The following IMPA2 variants were observed in gnomAD, a reference collection of about 807,000 sequenced individuals.
The protein encoded by IMPA2 is IMP 2.
In IMPA2, 32 loss-of-function variants were observed where a neutral mutation model predicts 35.1. The observed-to-expected ratio is 0.91, with a 90% CI of 0.69 to 1.23. The LOEUF is 1.23. Ranked by LOEUF, IMPA2 falls within the 50% of genes most tolerant of loss-of-function variation. The probability of loss-of-function intolerance (pLI) is 0.00; values close to 1 mark genes in which losing one functional copy is unlikely to be tolerated. For missense variants in IMPA2, 334 were observed against 387.6 expected, an observed-to-expected ratio of 0.86 and a Z score of 1.16; for synonymous variants, 135 against 160.6, an observed-to-expected ratio of 0.84 and a Z score of 1.20.
intron 1 of IMPA2, among the ~76,000 whole-genome samples, chr18:11,989,465 A>G (rs1001168411): frequency 6.6e-6 from 1 of 152,218 alleles, no homozygotes; most frequent in Non-Finnish European, 1.5e-5. Flanking sequence ...GCAGAGACAG[A>G]ATTCCTGTGA....
At chr18:12,004,122 C>T (rs1907190219) in intron 2 of IMPA2, among the ~76,000 whole-genome samples, 1 of 152,214 alleles carries the variant, frequency 6.6e-6, no homozygotes, top group African/African-American at 2.4e-5. Context: ...TGCTCCCAGC[C>T]ACCACCAGCT....
chr18:11,988,907 T>C (rs948927706), intron 1 of IMPA2, among the ~76,000 whole-genome samples: 4 of 152,136 alleles, frequency 2.6e-5, no homozygotes, highest in African/African-American at 9.7e-5. Flanking sequence ...TCACAGCTTC[T>C]ACCTCCTGGG....
chr18:12,028,685 A>G, intron 6 of IMPA2, 157 bp from the exon 7 acceptor site: 1 of 847,842 alleles, frequency 1.2e-6, no homozygotes, highest in Admixed American at 2.4e-5. Context: ...TGGTGGCTCC[A>G]GGCCCTATAT....
At chr18:12,008,494 T>G (rs1399540076) in intron 2 of IMPA2, 2 of 465,014 alleles carry the variant, frequency 4.3e-6, no homozygotes, top group Non-Finnish European at 8.7e-6. Context: ...TCAAAAGCAC[T>G]GCCCTGAATG....
chr18:12,028,421 A>G (rs1907942851), intron 6 of IMPA2: 2 of 497,966 alleles, frequency 4.0e-6, no homozygotes, highest in Non-Finnish European at 7.2e-6. Context: ...CGAATGGTGC[A>G]AATACTTACA....
intron 5 of IMPA2, among the ~76,000 whole-genome samples, chr18:12,020,255 G>A (rs1907692547): frequency 6.6e-6 from 1 of 151,698 alleles, no homozygotes; most frequent in Non-Finnish European, 1.5e-5. Context: ...GTGCAGTGGT[G>A]AGATTTCAGC....
At chr18:11,996,857 C>T (rs1201579674) in intron 1 of IMPA2, among the ~76,000 whole-genome samples, 1 of 151,766 alleles carries the variant, frequency 6.6e-6, no homozygotes, top group Admixed American at 6.6e-5. Context: ...ACCACACCAA[C>T]ACACACACAC....
At chr18:11,984,750 A>T (rs568066115) in intron 1 of IMPA2, among the ~76,000 whole-genome samples, 2 of 151,806 alleles carry the variant, frequency 1.3e-5, no homozygotes, top group Non-Finnish European at 2.9e-5. Context: ...GGCAGATCAC[A>T]AGGTCAGGAG....
chr18:12,028,646 G>A (rs1385210255), intron 6 of IMPA2, 196 bp from the exon 7 acceptor site: 5 of 628,606 alleles, frequency 8.0e-6, no homozygotes, highest in East Asian at 2.8e-5. Flanking sequence ...ATGGCACAAG[G>A]CATTTGCGTC....
intron 2 of IMPA2, among the ~76,000 whole-genome samples, chr18:11,999,878 G>C (rs765360863): frequency 8.3e-4 from 126 of 152,344 alleles, no homozygotes; most frequent in Admixed American, 1.7e-3. Flanking sequence ...ATGAACCCCA[G>C]ATTGAGACAT....
intron 1 of IMPA2, among the ~76,000 whole-genome samples, chr18:11,997,506 A>C (rs1906993805): frequency 6.6e-6 from 1 of 152,208 alleles, no homozygotes; most frequent in African/African-American, 2.4e-5. Context: ...ACCAAGATTA[A>C]AACAAAAACT....
intron 1 of IMPA2, among the ~76,000 whole-genome samples, chr18:11,988,398 A>C (rs992915793): frequency 6.6e-6 from 1 of 152,238 alleles, no homozygotes; most frequent in Non-Finnish European, 1.5e-5. Context: ...ATCATTAACA[A>C]CTCAGGAAAG....
chr18:12,012,437 T>C, intron 4 of IMPA2: 1 of 570,648 alleles, frequency 1.8e-6, no homozygotes, highest in South Asian at 2.4e-5. Flanking sequence ...TTGTCCCCCG[T>C]GGAGGGCTGG....
intron 1 of IMPA2, among the ~76,000 whole-genome samples, chr18:11,987,671 A>C (rs183817565): frequency 3.9e-4 from 60 of 152,262 alleles, no homozygotes; most frequent in African/African-American, 1.2e-3. Context: ...TCCAGTTTGA[A>C]GTTAATACGG....
At position 12,000,706 on chromosome 18, in the gene IMPA2, C is replaced by T. The variant is rs186050184; in HGVS notation, c.230+1519C>T. 2.3e-3 allele frequency among the ~76,000 whole-genome samples: 344 copies of T among 149,662 alleles called. 1 individual carries two copies. The highest frequency in any genetic ancestry group is 8.0e-3 in the African/African-American group (325 of 40,638). Reference sequence around the variant, plus strand: ...TCTTGGCTCACTGCAAGCTCCACCTCCCGGGTTCACGCCATTCTCCTGCCT... The same window carrying T: ...TCTTGGCTCACTGCAAGCTCCACCTTCCGGGTTCACGCCATTCTCCTGCCT... On this transcript the variant is annotated intron_variant, in intron 2 of 7. Coordinates refer to ENST00000269159, the MANE Select transcript of IMPA2 (RefSeq NM_014214.3).
intron 1 of IMPA2, 85 bp from the exon 2 acceptor site, chr18:11,998,969 G>T: frequency 2.1e-6 from 1 of 481,788 alleles, no homozygotes. Flanking sequence ...GCTGAATACA[G>T]AGGGGACTCG....
rs568328857 is a variant in IMPA2 at position 11,994,786 on chromosome 18, G to A, written c.97-4268G>A. ...AGGTGGACAGAGACAGAGAGGGTAG[G>A]GTTCCTTACCCAGGCTGGTTGAGCA... On this transcript the variant is annotated intron_variant, in intron 1 of 7. Transcript: ENST00000269159. 1.8e-4 allele frequency: 28 copies of A among 152,594 alleles called. 1 individual carries two copies. Among genetic ancestry groups the A allele is most frequent in the African/African-American group, 5.1e-4 (21 of 41,576 alleles). 9.5% of individuals were successfully genotyped at this position (152,594 alleles called of 1,614,324 possible).
At chr18:12,016,073 A>G (rs1221077373) in intron 5 of IMPA2, among the ~76,000 whole-genome samples, 3 of 152,248 alleles carry the variant, frequency 2.0e-5, no homozygotes, top group Non-Finnish European at 4.4e-5. Context: ...TGAAGTGCTC[A>G]TGTTCTGAAA....
intron 2 of IMPA2, among the ~76,000 whole-genome samples, chr18:12,000,647 G>A (rs1400154651): frequency 2.3e-5 from 3 of 132,210 alleles, no homozygotes; most frequent in African/African-American, 5.9e-5. Flanking sequence ...ATGGAGTCTT[G>A]CTCTGGCGTC....
Sources: gnomAD v4.1 joint callset for allele counts (sites outside exome capture counted in the v4.1 genomes callset) on GRCh38, gnomAD v4.1.1 for gene constraint, MANE v1.5 for transcripts, NCBI Gene and HGNC (gene_info 2026-07-23, HGNC 2026-07-21) for gene names.